Variants in CCDC12 observed in about 807,000 individuals in gnomAD.
The protein encoded by CCDC12 is coiled-coil domain containing 12.
In CCDC12, 28 loss-of-function variants were observed where a neutral mutation model predicts 25.7. The observed-to-expected ratio is 1.09, with a 90% CI of 0.81 to 1.50. The LOEUF (loss-of-function observed/expected upper bound fraction) is 1.50. CCDC12 is among the 40% of genes most tolerant of loss of function. CCDC12 has a pLI of 0.00. For missense variants in CCDC12, 198 were observed against 210.0 expected, an observed-to-expected ratio of 0.94 and a Z score of 0.35; for synonymous variants, 75 against 87.7, an observed-to-expected ratio of 0.86 and a Z score of 0.81.
intron 1 of CCDC12, among the ~76,000 whole-genome samples, chr3:46,973,120 C>T (rs1408606767): frequency 1.5e-4 from 23 of 151,568 alleles, no homozygotes; most frequent in Non-Finnish European, 2.9e-4. Flanking sequence ...TTTGGGAGGC[C>T]GAGGTGGGTG....
chr3:46,923,561 G>A, intron 4 of CCDC12, 46 bp downstream of exon 4: 1 of 1,580,666 alleles, frequency 6.3e-7, no homozygotes, highest in Non-Finnish European at 8.6e-7. Context: ...AAGAGAAACA[G>A]GACACACAGA....
At chr3:46,978,013 G>T (rs1327971496), upstream of CCDC12, among the ~76,000 whole-genome samples, 1 of 152,216 alleles carries the variant, frequency 6.6e-6, no homozygotes, top group Non-Finnish European at 1.5e-5. Flanking sequence ...AGGAGACCAT[G>T]CCGCCCCCTC....
intron 2 of CCDC12, among the ~76,000 whole-genome samples, chr3:46,937,116 T>C (rs951538133): frequency 6.6e-6 from 1 of 152,150 alleles, no homozygotes; most frequent in African/African-American, 2.4e-5. Flanking sequence ...TGTAACTCCC[T>C]TGGCGTCACT....
chr3:46,961,035 TG>T (rs1184619013), intron 1 of CCDC12, among the ~76,000 whole-genome samples: 4 of 96,334 alleles, frequency 4.2e-5, no homozygotes, highest in Middle Eastern at 5.1e-3. Context: ...GGTACTATTG[TG>T]GGGGGAAGTG....
At chr3:46,976,459 C>G in intron 1 of CCDC12, 178 bp downstream of exon 1, 1 of 1,427,382 alleles carries the variant, frequency 7.0e-7, no homozygotes, top group Non-Finnish European at 9.1e-7. Context: ...AGAGGAGTCC[C>G]ACGCCAAGCA....
chr3:46,922,358 G>C (rs1559545848), intron 5 of CCDC12, 46 bp from the exon 6 acceptor site: 27 of 1,606,638 alleles, frequency 1.7e-5, no homozygotes, highest in Non-Finnish European at 2.0e-5. Flanking sequence ...AGGCTGGCCT[G>C]ATGTGGCATT....
chr3:46,932,366 T>C (rs1009045000), intron 2 of CCDC12, among the ~76,000 whole-genome samples: 4 of 152,178 alleles, frequency 2.6e-5, no homozygotes, highest in Admixed American at 6.5e-5. Flanking sequence ...TGTTTTTGTT[T>C]GGTGGTTGAT....
chr3:46,979,496 C>A (rs976749194), upstream of CCDC12: 10 of 171,238 alleles, frequency 5.8e-5, no homozygotes, highest in Non-Finnish European at 1.1e-4. Context: ...CCCGGAGGCT[C>A]AGGCTGGCCC....
At chr3:46,951,914 C>T (rs1050456074) in intron 1 of CCDC12, among the ~76,000 whole-genome samples, 4 of 146,630 alleles carry the variant, frequency 2.7e-5, no homozygotes, top group African/African-American at 7.6e-5. Context: ...CAGGCACCAC[C>T]CATCTGTGAA....
rs188403552 is a variant in CCDC12 at position 46,938,261 on chromosome 3, T to G, written c.164+2737A>C. Reference sequence around the variant, plus strand: ...GCTCAGGACAGGGCCTCAGAGCAGGTCTTGTGCTCCACTACAAATGACCTG... The same window carrying G: ...GCTCAGGACAGGGCCTCAGAGCAGGGCTTGTGCTCCACTACAAATGACCTG... On this transcript the variant is annotated intron_variant, in intron 2 of 6. Coordinates refer to ENST00000683445, the MANE Select transcript of CCDC12 (RefSeq NM_001277074.2). Among the ~76,000 whole-genome samples, 52 of 152,244 alleles carry G rather than the reference T, an allele frequency of 3.4e-4. No individual in the cohort carries two copies. The South Asian group carries it at 0.01, about 30-fold the overall frequency.
chr3:46,938,518 GTTTTTTTTT>G (rs66474878), intron 2 of CCDC12, among the ~76,000 whole-genome samples: 4 of 91,380 alleles, frequency 4.4e-5, no homozygotes, highest in East Asian at 3.7e-4. Context: ...TTCCCCTCCT[GTTTTTTTTT>G]TTTTTTTTTT....
At chr3:46,976,529 G>C in intron 1 of CCDC12, 108 bp downstream of exon 1, 3 of 1,456,850 alleles carry the variant, frequency 2.1e-6, no homozygotes, top group Non-Finnish European at 2.7e-6. Context: ...CCGCGCATGC[G>C]CGCCCTCGGC....
intron 1 of CCDC12, among the ~76,000 whole-genome samples, chr3:46,962,405 G>A (rs1365446000): frequency 1.5e-5 from 2 of 133,860 alleles, no homozygotes; most frequent in African/African-American, 5.9e-5. Flanking sequence ...TTGCACTCCA[G>A]CCTGGGTAAC....
chr3:46,930,877 C>T (rs929379343), intron 2 of CCDC12, among the ~76,000 whole-genome samples: 1 of 152,200 alleles, frequency 6.6e-6, no homozygotes, highest in Admixed American at 6.5e-5. Context: ...CCACAGCAGG[C>T]CCCACTCCAT....
chr3:46,972,786 A>AAAG (rs55914237), intron 1 of CCDC12, among the ~76,000 whole-genome samples: 1 of 126,150 alleles, frequency 7.9e-6, no homozygotes, highest in Non-Finnish European at 1.8e-5. Context: ...AAAAAAAAAA[A>AAAG]GAAAGAAAGA....
At chr3:46,957,996 C>CACACACATAT (rs113627328) in intron 1 of CCDC12, among the ~76,000 whole-genome samples, 113 of 142,676 alleles carry the variant, frequency 7.9e-4, no homozygotes, top group African/African-American at 1.9e-3. Context: ...CACACACACA[C>CACACACATAT]ATATATATGT....
At chr3:46,934,064 C>T (rs1256321938) in intron 2 of CCDC12, among the ~76,000 whole-genome samples, 7 of 152,082 alleles carry the variant, frequency 4.6e-5, no homozygotes, top group African/African-American at 1.7e-4. Context: ...GGATTACAGG[C>T]GTGAGCCACA....
At chr3:46,963,762 A>G (rs2034540188) in intron 1 of CCDC12, among the ~76,000 whole-genome samples, 1 of 152,180 alleles carries the variant, frequency 6.6e-6, no homozygotes, top group African/African-American at 2.4e-5. Flanking sequence ...TCAGTGCTCA[A>G]TGGTGCCCAG....
intron 1 of CCDC12, among the ~76,000 whole-genome samples, chr3:46,963,417 GGTCTC>G (rs1559563635): frequency 4.2e-4 from 1 of 2,408 alleles, no homozygotes; most frequent in African/African-American, 5.6e-4. Flanking sequence ...CTCTCCTCAC[GGTCTC>G]CCTCTCCCTC....
Sources: gnomAD v4.1 joint callset for allele counts (sites outside exome capture counted in the v4.1 genomes callset) on GRCh38, gnomAD v4.1.1 for gene constraint, MANE v1.5 for transcripts, NCBI Gene and HGNC (gene_info 2026-07-23, HGNC 2026-07-21) for gene names.